Variants in SPOCK1 observed in about 807,000 individuals in gnomAD.
SPOCK1 encodes the protein SPARC (osteonectin), cwcv and kazal like domains proteoglycan 1.
A neutral mutation model predicts 55.3 loss-of-function variants in SPOCK1; 23 were observed. The observed-to-expected ratio is 0.42, with a 90% CI of 0.30 to 0.59. The LOEUF (loss-of-function observed/expected upper bound fraction) is 0.59. SPOCK1 is among the 20% of genes least tolerant of loss of function. SPOCK1 has a pLI of 0.22. For missense variants in SPOCK1, 499 were observed against 552.5 expected (o/e 0.90, Z 0.97); for synonymous variants, 226 against 221.0 (o/e 1.02, Z -0.20).
At chr5:137,008,957 A>T (rs984349932) in intron 6 of SPOCK1, among the ~76,000 whole-genome samples, 3 of 152,156 alleles carry the variant, frequency 2.0e-5, no homozygotes, top group Non-Finnish European at 4.4e-5. Flanking sequence ...TATCAGAAGA[A>T]TGATACACAC....
chr5:137,034,063 C>G (rs921901365), intron 6 of SPOCK1, among the ~76,000 whole-genome samples: 2 of 152,198 alleles, frequency 1.3e-5, no homozygotes, highest in African/African-American at 4.8e-5. Flanking sequence ...TGGCTGACCT[C>G]GAGTAGGCAC....
At chr5:137,188,586 T>C (rs1312718212) in intron 3 of SPOCK1, among the ~76,000 whole-genome samples, 1 of 152,222 alleles carries the variant, frequency 6.6e-6, no homozygotes, top group African/African-American at 2.4e-5. Context: ...ACTGGTCCGT[T>C]GACTGGCTCC....
intron 6 of SPOCK1, among the ~76,000 whole-genome samples, chr5:137,059,367 T>C (rs1752355790): frequency 1.3e-5 from 2 of 152,228 alleles, no homozygotes; most frequent in Non-Finnish European, 2.9e-5. Context: ...ATCCCAATTA[T>C]GGATGAGTAA....
intron 2 of SPOCK1, among the ~76,000 whole-genome samples, chr5:137,282,653 G>C (rs1481398584): frequency 6.6e-6 from 1 of 152,208 alleles, no homozygotes; most frequent in Admixed American, 6.5e-5. Flanking sequence ...CCCTTCCTTA[G>C]CTTCCAAATG....
At chr5:137,498,223 C>A in intron 2 of SPOCK1, 150 bp downstream of exon 2, 1 of 776,882 alleles carries the variant, frequency 1.3e-6, no homozygotes. Context: ...GAAGCTGGGA[C>A]CGACCAGCCC....
At chr5:137,064,214 T>G (rs1214967976) in intron 6 of SPOCK1, among the ~76,000 whole-genome samples, 1 of 152,032 alleles carries the variant, frequency 6.6e-6, no homozygotes, top group Non-Finnish European at 1.5e-5. Flanking sequence ...ATACTGTAGC[T>G]CATAAGCCCT....
At chr5:137,373,145 T>A (rs189802346) in intron 2 of SPOCK1, among the ~76,000 whole-genome samples, 1 of 152,348 alleles carries the variant, frequency 6.6e-6, no homozygotes, top group East Asian at 1.9e-4. Context: ...TTGAGCCATA[T>A]GAGTTTCTAT....
chr5:137,294,679 T>A (rs1757444163), intron 2 of SPOCK1, among the ~76,000 whole-genome samples: 1 of 152,180 alleles, frequency 6.6e-6, no homozygotes, highest in African/African-American at 2.4e-5. Flanking sequence ...GAAGGGAAGA[T>A]GTTCCAGGAC....
At chr5:137,327,368 AG>A (rs1370713972) in intron 2 of SPOCK1, among the ~76,000 whole-genome samples, 2 of 152,254 alleles carry the variant, frequency 1.3e-5, no homozygotes, top group Non-Finnish European at 2.9e-5. Flanking sequence ...TAAAAAATAC[AG>A]GTTTATTTTT....
chr5:137,410,646 C>T (rs1392630583), intron 2 of SPOCK1, among the ~76,000 whole-genome samples: 1 of 152,258 alleles, frequency 6.6e-6, no homozygotes, highest in African/African-American at 2.4e-5. Flanking sequence ...CCCCACGCCA[C>T]TGGACAGCTC....
chr5:137,327,284 T>G (rs1045771546), intron 2 of SPOCK1, among the ~76,000 whole-genome samples: 3 of 152,210 alleles, frequency 2.0e-5, no homozygotes, highest in Non-Finnish European at 4.4e-5. Context: ...TTATTATCAT[T>G]GGGTATATCC....
chr5:137,241,570 T>C (rs950743419), intron 3 of SPOCK1, among the ~76,000 whole-genome samples: 1 of 152,168 alleles, frequency 6.6e-6, no homozygotes, highest in African/African-American at 2.4e-5. Flanking sequence ...CAGTGGAAGA[T>C]GCTTATGTCA....
intron 3 of SPOCK1, among the ~76,000 whole-genome samples, chr5:137,184,483 T>C (rs377287695): frequency 8.0e-4 from 122 of 152,312 alleles, no homozygotes; most frequent in African/African-American, 2.8e-3. Flanking sequence ...GCTTTTCCAT[T>C]TGGGAGAAGG....
rs192516496 is a variant in SPOCK1, at chr5:137,252,172, C to T, written c.232+14838G>A. On this transcript the variant is annotated intron_variant, in intron 3 of 10. Transcript: ENST00000394945. ...AACTCCTGACTTCAGGTGATCCACC[C>T]GCCTCGGCCTCCCAAAGTGCTGGGA... Among the ~76,000 whole-genome samples the T allele has an allele frequency of 2.2e-3, 329 of 152,260 alleles. 1 individual carries two copies. The Middle Eastern group carries it at 0.041, about 19-fold the overall frequency.
chr5:137,066,089 C>T (rs1026076351), intron 6 of SPOCK1, among the ~76,000 whole-genome samples: 3 of 152,122 alleles, frequency 2.0e-5, no homozygotes, highest in South Asian at 4.1e-4. Flanking sequence ...AGGAGAGATG[C>T]ATTCACCCTC....
rs1358299591 is a variant in SPOCK1 at position 137,329,717 on chromosome 5, G to A, written c.187-62662C>T. Among the ~76,000 whole-genome samples, 5 of 152,266 alleles carry A rather than the reference G, an allele frequency of 3.3e-5. No homozygotes were observed. In the East Asian group the frequency reaches 7.7e-4, roughly 24 times the overall value. On this transcript the variant is annotated intron_variant, in intron 2 of 10. Coordinates refer to ENST00000394945, the MANE Select transcript of SPOCK1 (RefSeq NM_004598.4). ...CAGAACCTTTCTGCATTATTGTTTT[G>A]TTGGCTCCTCTAATGCACCACATCC...
intron 2 of SPOCK1, among the ~76,000 whole-genome samples, chr5:137,414,661 T>C (rs1242451325): frequency 6.6e-6 from 1 of 152,218 alleles, no homozygotes; most frequent in Non-Finnish European, 1.5e-5. Context: ...GATGTGACCA[T>C]GTATCCACCT....
At chr5:137,211,784 A>C (rs1755622132) in intron 3 of SPOCK1, among the ~76,000 whole-genome samples, 1 of 152,040 alleles carries the variant, frequency 6.6e-6, no homozygotes, top group Non-Finnish European at 1.5e-5. Flanking sequence ...CTTCCATAAA[A>C]CCCACAAAAG....
intron 2 of SPOCK1, among the ~76,000 whole-genome samples, chr5:137,435,091 A>G (rs1202089093): frequency 1.1e-4 from 17 of 152,212 alleles, no homozygotes; most frequent in Non-Finnish European, 1.5e-4. Context: ...AACATGTTAT[A>G]TTTATAATCT....
Sources: gnomAD v4.1 joint callset for allele counts (sites outside exome capture counted in the v4.1 genomes callset) on GRCh38, gnomAD v4.1.1 for gene constraint, MANE v1.5 for transcripts, NCBI Gene and HGNC (gene_info 2026-07-23, HGNC 2026-07-21) for gene names.